PHKA2: variants seen among roughly 807,000 people sequenced by gnomAD.
The protein encoded by PHKA2 is phosphorylase b kinase regulatory subunit alpha, liver isoform.
PHKA2 carries 31 observed loss-of-function variants against 102.0 expected under a neutral mutation model. The observed-to-expected ratio is 0.30, with a 90% confidence interval of 0.23 to 0.41. The LOEUF (loss-of-function observed/expected upper bound fraction) is 0.41. Among genes scored for constraint, PHKA2 ranks in the 10% least tolerant of loss-of-function variants. The pLI, the probability that PHKA2 is intolerant of heterozygous loss-of-function variation, is 1.00. For missense variants in PHKA2, 858 were observed against 1,023.1 expected (o/e 0.84, Z 2.20); for synonymous variants, 455 against 416.2 (o/e 1.09, Z -1.13).
chrX:18,956,122 G>A (rs1569329257), intron 1 of PHKA2, among the ~76,000 whole-genome samples: 2 of 111,529 alleles, frequency 1.8e-5, no homozygotes, highest in South Asian at 3.7e-4. Context: ...ACAGGAGTTC[G>A]AGACTAGCCT....
rs371896006 is a variant in PHKA2, at chrX:18,901,568, T to C, written c.2944A>G (p.Ile982Val). 16 of 1,204,956 alleles carry C rather than the reference T, an allele frequency of 1.3e-5. No homozygotes were observed. In the African/African-American group the frequency reaches 2.3e-4, roughly 17 times the overall value. Residue 982 changes from isoleucine (I) to valine (V), a missense_variant, in exon 27 of 33, where the codon ATC becomes GTC. Physicochemically the swap from Ile to Val is conservative, Grantham distance 29 (BLOSUM62 3). Around this residue, in one of 2 missense-constraint regions of PHKA2, gnomAD observed 671 missense variants for 745.2 expected, o/e 0.90. Coordinates refer to ENST00000379942, the MANE Select transcript of PHKA2 (RefSeq NM_000292.3). Reference protein sequence around the residue: ...PIHSSTSSPTISIHEVGHTGV... With the variant: ...PIHSSTSSPTVSIHEVGHTGV... Reference sequence around the variant, plus strand: ...GTATGGCCCACCTCGTGGATGGAGATGGTAGGGCTGGATGTGGAGGAGTGG... The same window carrying C: ...GTATGGCCCACCTCGTGGATGGAGACGGTAGGGCTGGATGTGGAGGAGTGG...
intron 11 of PHKA2, among the ~76,000 whole-genome samples, chrX:18,931,973 TC>T (rs2048323498): frequency 8.9e-6 from 1 of 111,946 alleles, no homozygotes; most frequent in Non-Finnish European, 1.9e-5. Flanking sequence ...CAAGCACTCT[TC>T]CTACAGGCAC....
At position 18,899,238 on chromosome X, in the gene PHKA2, A is replaced by G; in HGVS notation, c.3058-12T>C. The G allele has an allele frequency of 8.3e-7, 1 of 1,199,662 alleles. No individual in the cohort carries two copies. Among genetic ancestry groups the G allele is most frequent in the Non-Finnish European group, 1.1e-6 (1 of 884,762 alleles). ...CCCACAGAAAAGAACTACAAAACAA[A>G]AAGAATCCACTCAGTTGACAGCAAT... On this transcript the variant is annotated splice_polypyrimidine_tract_variant and intron_variant, in intron 28 of 32. Coordinates refer to ENST00000379942, the MANE Select transcript of PHKA2 (RefSeq NM_000292.3).
intron 21 of PHKA2, 89 bp downstream of exon 21, chrX:18,908,712 G>A (rs1026799541): frequency 5.0e-5 from 42 of 847,798 alleles, no homozygotes; most frequent in African/African-American, 1.4e-4. Flanking sequence ...CCCAGCCTCC[G>A]GAACTGTGAG....
intron 26 of PHKA2, among the ~76,000 whole-genome samples, chrX:18,905,182 CTT>C (rs2047783655): frequency 1.8e-5 from 2 of 111,485 alleles, no homozygotes; most frequent in African/African-American, 6.5e-5. Flanking sequence ...ACTTCTAACA[CTT>C]TTTTTTGAGA....
At chrX:18,955,120 T>C (rs781568976) in intron 1 of PHKA2, among the ~76,000 whole-genome samples, 1 of 112,739 alleles carries the variant, frequency 8.9e-6, no homozygotes, top group African/African-American at 3.2e-5. Context: ...GATAAATGGA[T>C]AAACGAAATG....
chrX:18,930,079 G>A (rs936462082), intron 12 of PHKA2, among the ~76,000 whole-genome samples: 2 of 112,399 alleles, frequency 1.8e-5, no homozygotes, highest in African/African-American at 3.2e-5. Context: ...ATATTTTGTT[G>A]AAACTATGCA....
At chrX:18,915,745 T>C in intron 19 of PHKA2, among the ~76,000 whole-genome samples, 1 of 110,138 alleles carries the variant, frequency 9.1e-6, no homozygotes. Context: ...TAAAACATGA[T>C]AGCAAAAGTG....
At chrX:18,918,922 G>T in intron 18 of PHKA2, 68 bp from the exon 19 acceptor site, 1 of 973,934 alleles carries the variant, frequency 1.0e-6, no homozygotes, top group South Asian at 1.9e-5. Flanking sequence ...ACACAATAGT[G>T]ACCATGGGTA....
At chrX:18,931,193 A>G (rs1372729984) in intron 12 of PHKA2, among the ~76,000 whole-genome samples, 3 of 112,487 alleles carry the variant, frequency 2.7e-5, no homozygotes, top group African/African-American at 9.7e-5. Flanking sequence ...AATTCACCAG[A>G]GAAAATCCGG....
At chrX:18,983,741 A>G in intron 1 of PHKA2, 114 bp downstream of exon 1, 1 of 654,051 alleles carries the variant, frequency 1.5e-6, no homozygotes, top group Non-Finnish European at 2.6e-6. Flanking sequence ...CTAGATTCAA[A>G]TAGCAAACTC....
At position 18,907,049 on chromosome X, in the gene PHKA2, G is replaced by A; in HGVS notation, c.2566C>T (p.Pro856Ser). 1 of 1,195,191 alleles carries A rather than the reference G, an allele frequency of 8.4e-7. No individual in the cohort carries two copies. The change falls in exon 23 of 33, where the codon CCG becomes TCG. Residue 856 changes from proline (P) to serine (S), a missense_variant. Coordinates refer to ENST00000379942, the MANE Select transcript of PHKA2 (RefSeq NM_000292.3). ...ATGATCTTCTCCCGGGGCTCGGGCG[G>A]CAGGCCCACGGTGAGCTGCTTCTGG... ...SHQKQLTVGL[P>S]PEPREKIISA...
At chrX:18,911,566 C>T (rs931633004) in intron 19 of PHKA2, among the ~76,000 whole-genome samples, 1 of 112,086 alleles carries the variant, frequency 8.9e-6, no homozygotes, top group African/African-American at 3.2e-5. Flanking sequence ...GTCTCAGCCT[C>T]CCAAAGTGCT....
At chrX:18,905,186 T>A (rs2047783917) in intron 26 of PHKA2, among the ~76,000 whole-genome samples, 2 of 111,864 alleles carry the variant, frequency 1.8e-5, no homozygotes, top group African/African-American at 6.5e-5. Flanking sequence ...CTAACACTTT[T>A]TTTTGAGAAC....
intron 31 of PHKA2, chrX:18,894,848 T>G: frequency 2.4e-6 from 1 of 415,949 alleles, no homozygotes; most frequent in Non-Finnish European, 4.2e-6. Flanking sequence ...CAGGGTGGCA[T>G]GGAGATTGGC....
At chrX:18,967,648 C>T (rs898249163) in intron 1 of PHKA2, among the ~76,000 whole-genome samples, 18 of 105,355 alleles carry the variant, frequency 1.7e-4, no homozygotes, top group African/African-American at 6.0e-4. Context: ...AAAGCTGACT[C>T]CTACACTATG....
intron 5 of PHKA2, 77 bp from the exon 6 acceptor site, chrX:18,945,235 T>C (rs2048559995): frequency 1.6e-6 from 1 of 613,574 alleles, no homozygotes; most frequent in Non-Finnish European, 2.8e-6. Context: ...GCTTCCTTTA[T>C]GTTCCTGCAG....
At chrX:18,968,370 G>C (rs1335857442) in intron 1 of PHKA2, among the ~76,000 whole-genome samples, 1 of 112,509 alleles carries the variant, frequency 8.9e-6, no homozygotes. Context: ...TCACTTTGTG[G>C]CAACGTTATT....
In PHKA2 at chrX:18,907,102, G is replaced by T. The variant is rs201870008; in HGVS notation, c.2518-5C>A. On this transcript the variant is annotated splice_region_variant and splice_polypyrimidine_tract_variant and intron_variant, in intron 22 of 32. Coordinates refer to ENST00000379942, the MANE Select transcript of PHKA2 (RefSeq NM_000292.3). ...CGAAAGCAGGTCTGTGCAGGCCTGC[G>T]CAGTTAAGGGGAAGGGTGAGAGGCA... is the stretch of plus-strand genomic sequence containing the variant. The T allele has an allele frequency of 5.2e-6, 6 of 1,164,835 alleles. No homozygotes were observed. The Admixed American group carries it at 7.4e-5, about 14-fold the overall frequency.
Sources: gnomAD v4.1 joint callset for allele counts (sites outside exome capture counted in the v4.1 genomes callset) on GRCh38, gnomAD v4.1.1 for gene constraint, gnomAD v4.1.1 regional missense constraint, MANE v1.5 for transcripts, NCBI Gene and HGNC (gene_info 2026-07-23, HGNC 2026-07-21) for gene names.